Variants in WDFY3 observed in about 807,000 individuals in gnomAD.
WDFY3 encodes the protein WD repeat and FYVE domain-containing protein 3.
A neutral mutation model predicts 409.6 loss-of-function variants in WDFY3; 66 were observed. The observed-to-expected ratio is 0.16, with a 90% confidence interval of 0.13 to 0.20. The LOEUF is 0.20. Ranked by LOEUF, WDFY3 falls within the 10% of genes least tolerant of loss-of-function variation. WDFY3 has a pLI of 1.00. For missense variants in WDFY3, 3,031 were observed against 4,298.1 expected (o/e 0.71, Z 8.24); for synonymous variants, 1,521 against 1,537.1 (o/e 0.99, Z 0.25).
intron 2 of WDFY3, among the ~76,000 whole-genome samples, chr4:84,920,019 C>A (rs1235384978): frequency 6.6e-6 from 1 of 151,790 alleles, no homozygotes; most frequent in Non-Finnish European, 1.5e-5. Context: ...ATCTTATCAA[C>A]AGAAACATCA....
At chr4:84,682,760 T>C in intron 63 of WDFY3, 1 of 311,134 alleles carries the variant, frequency 3.2e-6, no homozygotes, top group South Asian at 3.7e-5. Context: ...GATGGGCGGA[T>C]CATTTGAGGT....
chr4:84,774,753 T>G (rs1245135193), intron 29 of WDFY3, 67 bp downstream of exon 29: 3 of 1,484,770 alleles, frequency 2.0e-6, no homozygotes. Flanking sequence ...TAAATTCATC[T>G]CATCCATCTT....
At position 84,794,494 on chromosome 4, in the gene WDFY3, G is replaced by T. The variant is rs772938684; in HGVS notation, c.3487+25C>A. 1.3e-5 allele frequency: 20 copies of T among 1,593,582 alleles called. No homozygotes were observed. The East Asian group carries it at 4.0e-4, about 32-fold the overall frequency. ...AGTTTTAATACTTCTATAATCAAAA[G>T]AAGAAAACAAAAAAAAATACTGACC... is the stretch of plus-strand genomic sequence containing the variant. On this transcript the variant is annotated intron_variant, in intron 21 of 67. Transcript: ENST00000295888.
chr4:84,832,561 C>T (rs1755898915), intron 7 of WDFY3, among the ~76,000 whole-genome samples: 1 of 152,092 alleles, frequency 6.6e-6, no homozygotes, highest in South Asian at 2.1e-4. Flanking sequence ...TTGATTCGAT[C>T]ATTACACATT....
chr4:84,959,984 C>G (rs1036674415), intron 1 of WDFY3, among the ~76,000 whole-genome samples: 2 of 152,052 alleles, frequency 1.3e-5, no homozygotes, highest in Admixed American at 6.5e-5. Context: ...ATAATATGAT[C>G]GAATTATGTC....
At chr4:84,846,648 C>T (rs879320785) in intron 5 of WDFY3, among the ~76,000 whole-genome samples, 4 of 148,950 alleles carry the variant, frequency 2.7e-5, no homozygotes, top group East Asian at 2.0e-4. Context: ...ATTTCATCAG[C>T]GTGGGTATTT....
intron 1 of WDFY3, among the ~76,000 whole-genome samples, chr4:84,960,728 T>G (rs1774804152): frequency 6.6e-6 from 1 of 151,970 alleles, no homozygotes; most frequent in African/African-American, 2.4e-5. Flanking sequence ...TCCACCCACC[T>G]TGGCCTCCCA....
intron 2 of WDFY3, among the ~76,000 whole-genome samples, chr4:84,898,675 C>T (rs1323852796): frequency 6.6e-6 from 1 of 152,154 alleles, no homozygotes; most frequent in Non-Finnish European, 1.5e-5. Flanking sequence ...TCATCATCTC[C>T]AACTTCATTA....
intron 45 of WDFY3, among the ~76,000 whole-genome samples, 193 bp from the exon 46 acceptor site, chr4:84,724,787 G>C (rs530382967): frequency 6.6e-6 from 1 of 152,108 alleles, no homozygotes; most frequent in Non-Finnish European, 1.5e-5. Flanking sequence ...TTTTTTAAAA[G>C]ACATACATAA....
chr4:84,912,580 T>C (rs1767932951), intron 2 of WDFY3, among the ~76,000 whole-genome samples: 2 of 152,016 alleles, frequency 1.3e-5, no homozygotes, highest in South Asian at 4.1e-4. Flanking sequence ...AAAGGATGGC[T>C]TGGTAATTTT....
At chr4:84,833,693 G>GAAAAGAAAAGAAAAGAA (rs1560879195) in intron 7 of WDFY3, among the ~76,000 whole-genome samples, 71 of 122,098 alleles carry the variant, frequency 5.8e-4, no homozygotes, top group African/African-American at 2.2e-3. Context: ...AAAGAAAAGA[G>GAAAAGAAAAGAAAAGAA]AAGAGAAGAG....
At chr4:84,695,499 C>CAGAGAGAGAT (rs1201527541) in intron 58 of WDFY3, among the ~76,000 whole-genome samples, 1 of 73,072 alleles carries the variant, frequency 1.4e-5, no homozygotes, top group Non-Finnish European at 3.1e-5. Context: ...CACACAGAGA[C>CAGAGAGAGAT]AGAGAGAGAT....
At position 84,682,532 on chromosome 4, in the gene WDFY3, T is replaced by C. The variant is rs527661688; in HGVS notation, c.9727-62A>G. ...AAACAGATTAAGGAACCAATTTACA[T>C]TACTCAATGAAGAGAGACTGTCAGG... On this transcript the variant is annotated intron_variant, in intron 63 of 67. Transcript: ENST00000295888. The C allele has an allele frequency of 9.3e-5, 121 of 1,294,378 alleles. No individual in the cohort carries two copies. In the African/African-American group the frequency reaches 1.7e-3, roughly 18 times the overall value. 80.2% of individuals were successfully genotyped at this position (1,294,378 alleles called of 1,614,324 possible).
chr4:84,785,150 C>T (rs1251057277), intron 24 of WDFY3, among the ~76,000 whole-genome samples: 1 of 152,006 alleles, frequency 6.6e-6, no homozygotes, highest in Non-Finnish European at 1.5e-5. Context: ...CATCTTTCTC[C>T]ATCAGAGCCA....
In WDFY3 at chr4:84,933,057, T is replaced by C. The variant is rs530774535; in HGVS notation, c.-225-694A>G. On this transcript the variant is annotated intron_variant, in intron 1 of 67. Transcript: ENST00000295888. ...CAAACACATTTTGGTCCTAAAGTTC[T>C]TTAATTCAAAAAGGAGGAGCCTGGA... 3.3e-4 allele frequency among the ~76,000 whole-genome samples: 50 copies of C among 152,304 alleles called. No homozygotes were observed. In the South Asian group the frequency reaches 9.7e-3, roughly 30 times the overall value.
chr4:84,907,504 T>C (rs1579076106), intron 2 of WDFY3, among the ~76,000 whole-genome samples: 1 of 152,108 alleles, frequency 6.6e-6, no homozygotes, highest in East Asian at 1.9e-4. Flanking sequence ...ACGTGAGCCA[T>C]CCTGGAAAGT....
At chr4:84,775,337 C>T (rs572705656) in intron 27 of WDFY3, among the ~76,000 whole-genome samples, 199 bp from the exon 28 acceptor site, 1 of 151,880 alleles carries the variant, frequency 6.6e-6, no homozygotes, top group Non-Finnish European at 1.5e-5. Context: ...GGAATTATCA[C>T]ACTTTTACAA....
intron 1 of WDFY3, among the ~76,000 whole-genome samples, chr4:84,955,211 A>AG (rs1427740198): frequency 6.6e-6 from 1 of 151,942 alleles, no homozygotes; most frequent in East Asian, 1.9e-4. Context: ...TCAAAAAAAA[A>AG]AAAACAAAAA....
intron 3 of WDFY3, among the ~76,000 whole-genome samples, chr4:84,889,061 A>G (rs564162614): frequency 6.6e-6 from 1 of 152,318 alleles, no homozygotes; most frequent in South Asian, 2.1e-4. Flanking sequence ...GTGACTAACG[A>G]TCTAAAGTAA....
Sources: gnomAD v4.1 joint callset for allele counts (sites outside exome capture counted in the v4.1 genomes callset) on GRCh38, gnomAD v4.1.1 for gene constraint, MANE v1.5 for transcripts, NCBI Gene and HGNC (gene_info 2026-07-23, HGNC 2026-07-21) for gene names.